The following MED13L variants were observed in gnomAD, a reference collection of about 807,000 sequenced individuals.
The protein encoded by MED13L is mediator complex subunit 13L, also known as mediator of RNA polymerase II transcription subunit 13-like.
A neutral mutation model predicts 220.9 loss-of-function variants in MED13L; 7 were observed. The ratio of observed to expected loss-of-function variants is 0.03; its 90% CI spans 0.02 to 0.06. The LOEUF is 0.06. MED13L is among the 10% of genes least tolerant of loss of function. The pLI is 1.00. For synonymous variants in MED13L, 1,011 were observed against 1,015.2 expected (o/e 1.00, Z 0.08); for missense variants, 1,965 against 2,760.5 (o/e 0.71, Z 6.46).
intron 14 of MED13L, among the ~76,000 whole-genome samples, chr12:115,999,135 G>A (rs1235564930): frequency 4.6e-5 from 7 of 152,216 alleles, no homozygotes; most frequent in South Asian, 2.1e-4. Flanking sequence ...ACTGGAGGCC[G>A]GGTGGGATAG....
intron 4 of MED13L, among the ~76,000 whole-genome samples, chr12:116,025,628 A>G (rs1566017146): frequency 6.6e-6 from 1 of 152,232 alleles, no homozygotes; most frequent in East Asian, 1.9e-4. Context: ...TCAGACACAT[A>G]AAGACAAATA....
chr12:116,012,686 T>C (rs1313614523), intron 9 of MED13L, 111 bp downstream of exon 9: 1 of 839,828 alleles, frequency 1.2e-6, no homozygotes, highest in Non-Finnish European at 2.1e-6. Flanking sequence ...TTTTCTTCTC[T>C]ACTGGAGGAG....
intron 2 of MED13L, among the ~76,000 whole-genome samples, chr12:116,155,663 A>G (rs1878372448): frequency 6.6e-6 from 1 of 152,100 alleles, no homozygotes; most frequent in East Asian, 1.9e-4. Flanking sequence ...CTGAAGTTAC[A>G]TTTTGCCACA....
At chr12:116,252,115 A>G (rs926147572) in intron 1 of MED13L, among the ~76,000 whole-genome samples, 28 of 152,142 alleles carry the variant, frequency 1.8e-4, no homozygotes, top group Admixed American at 9.8e-4. Context: ...GCCTCCTCTC[A>G]GCAATAGAAC....
chr12:116,262,403 T>C (rs1302297813), intron 1 of MED13L, among the ~76,000 whole-genome samples: 1 of 152,224 alleles, frequency 6.6e-6, no homozygotes, highest in Non-Finnish European at 1.5e-5. Flanking sequence ...AGATATTTTC[T>C]AAAATGGGTG....
chr12:116,256,182 C>T (rs1277831116), intron 1 of MED13L, among the ~76,000 whole-genome samples: 1 of 151,696 alleles, frequency 6.6e-6, no homozygotes, highest in Non-Finnish European at 1.5e-5. Context: ...AGTGAAACTC[C>T]TAGTTATTTA....
chr12:116,205,162 G>T (rs938586421), intron 2 of MED13L, among the ~76,000 whole-genome samples: 2 of 152,134 alleles, frequency 1.3e-5, no homozygotes, highest in Admixed American at 1.3e-4. Context: ...GCCTATTAAA[G>T]AGAAAGAGAA....
chr12:116,277,027 G>C (rs1037125137), intron 1 of MED13L, 33 bp downstream of exon 1: 130 of 1,197,912 alleles, frequency 1.1e-4, no homozygotes, highest in Middle Eastern at 2.5e-4. Context: ...CCCTTCCCCG[G>C]CACAGCCCCC....
intron 2 of MED13L, among the ~76,000 whole-genome samples, chr12:116,213,956 T>C (rs184500403): frequency 2.0e-5 from 3 of 152,312 alleles, no homozygotes; most frequent in African/African-American, 7.2e-5. Flanking sequence ...GTTACATCCA[T>C]CTTGTATAGA....
intron 14 of MED13L, among the ~76,000 whole-genome samples, chr12:115,999,349 C>G (rs1878600929): frequency 6.6e-6 from 1 of 151,790 alleles, no homozygotes; most frequent in African/African-American, 2.4e-5. Flanking sequence ...CGAGATCTCG[C>G]CACTGCAATC....
At chr12:115,982,146 G>A (rs555405752) in intron 22 of MED13L, 3 of 526,002 alleles carry the variant, frequency 5.7e-6, no homozygotes, top group East Asian at 3.4e-5. Flanking sequence ...TGTGTAAGGT[G>A]TATATGAAAC....
intron 30 of MED13L, chr12:115,962,718 T>A (rs556788818): frequency 6.4e-6 from 1 of 155,562 alleles, no homozygotes; most frequent in Admixed American, 6.2e-5. Flanking sequence ...CTATGTCATT[T>A]ATGTTCTAGT....
intron 3 of MED13L, among the ~76,000 whole-genome samples, chr12:116,097,217 C>T (rs149059386): frequency 0.042 from 6,369 of 151,978 alleles, 468 homozygotes; most frequent in African/African-American, 0.14. Context: ...GCAATCTTGG[C>T]TCACTGCAGC....
chr12:115,972,649 G>C (rs1876669902), intron 25 of MED13L, among the ~76,000 whole-genome samples: 1 of 152,128 alleles, frequency 6.6e-6, no homozygotes, highest in Admixed American at 6.5e-5. Flanking sequence ...AGGTAAACCT[G>C]AGTTTTGTTT....
In MED13L at chr12:115,959,147, A is replaced by G. The variant is rs912139604; in HGVS notation, c.*2119T>C. 3.9e-5 allele frequency: 6 copies of G among 152,614 alleles called. No individual in the cohort carries two copies. Among genetic ancestry groups the G allele is most frequent in the Non-Finnish European group, 5.9e-5 (4 of 68,016 alleles). The allele number at this position is 152,614 out of a possible 1,614,324, so 9.5% of individuals were successfully genotyped here. A position where few individuals can be genotyped will look rare whatever the true frequency, so the allele number is the denominator to read the frequency against. On this transcript the variant is annotated 3_prime_UTR_variant, in exon 31 of 31. Transcript: ENST00000281928. ...AGACTTTTTCACACAGAAGTACATA[A>G]TAAGATTTTTTAAAATCTATTGCCA...
intron 4 of MED13L, among the ~76,000 whole-genome samples, chr12:116,061,925 G>A (rs956754415): frequency 4.0e-5 from 6 of 149,864 alleles, no homozygotes; most frequent in Admixed American, 6.7e-5. Context: ...GGAGAATGGC[G>A]TGAACCCGGG....
intron 2 of MED13L, among the ~76,000 whole-genome samples, chr12:116,165,822 A>G (rs1452831786): frequency 6.6e-6 from 1 of 152,048 alleles, no homozygotes; most frequent in East Asian, 1.9e-4. Flanking sequence ...CACTGACTGA[A>G]AGCCCTTTTG....
intron 4 of MED13L, among the ~76,000 whole-genome samples, chr12:116,055,206 A>G (rs961809261): frequency 6.6e-6 from 1 of 152,230 alleles, no homozygotes; most frequent in African/African-American, 2.4e-5. Flanking sequence ...GAAGTTGGTA[A>G]TATTGTTTCT....
chr12:116,270,947 C>G (rs962559101), intron 1 of MED13L, among the ~76,000 whole-genome samples: 1 of 138,848 alleles, frequency 7.2e-6, no homozygotes, highest in African/African-American at 2.7e-5. Context: ...GAGGCTGAGG[C>G]AGGAAAATCG....
Sources: allele counts gnomAD v4.1 joint callset (sites outside exome capture counted in the v4.1 genomes callset), GRCh38; gene constraint gnomAD v4.1.1; transcripts MANE v1.5; gene names NCBI Gene and HGNC (gene_info 2026-07-23, HGNC 2026-07-21).